The following DOCK3 variants were observed in gnomAD, a reference collection of about 807,000 sequenced individuals.
DOCK3 encodes the protein dedicator of cytokinesis 3.
A neutral mutation model predicts 265.6 loss-of-function variants in DOCK3; 60 were observed. That is an observed-to-expected ratio of 0.23 (90% CI 0.18 to 0.28). The LOEUF is 0.28. Among genes scored for constraint, DOCK3 ranks in the 10% least tolerant of loss-of-function variants. The pLI, the probability that DOCK3 is intolerant of heterozygous loss-of-function variation, is 1.00. For missense variants in DOCK3, 1,981 were observed against 2,594.3 expected, an observed-to-expected ratio of 0.76 and a Z score of 5.14; for synonymous variants, 881 against 938.0, an observed-to-expected ratio of 0.94 and a Z score of 1.11.
chr3:51,250,328 A>G (rs986565114), intron 22 of DOCK3, among the ~76,000 whole-genome samples: 5 of 152,010 alleles, frequency 3.3e-5, no homozygotes, highest in South Asian at 2.1e-4. Context: ...ACAAAACAAA[A>G]CAAAACTTGG....
intron 5 of DOCK3, among the ~76,000 whole-genome samples, chr3:51,044,147 A>G (rs1238899175): frequency 1.3e-5 from 2 of 152,196 alleles, no homozygotes; most frequent in African/African-American, 2.4e-5. Flanking sequence ...TTGTAGCACT[A>G]TTCACAATAG....
At chr3:51,145,514 C>T (rs2107271651) in intron 9 of DOCK3, among the ~76,000 whole-genome samples, 1 of 152,312 alleles carries the variant, frequency 6.6e-6, no homozygotes. Context: ...CTGTGGTCCA[C>T]AGGCTGCATG....
intron 7 of DOCK3, among the ~76,000 whole-genome samples, chr3:51,077,159 T>G (rs1002896405): frequency 6.6e-6 from 1 of 152,078 alleles, no homozygotes; most frequent in Non-Finnish European, 1.5e-5. Context: ...AATAAGAATG[T>G]AGATGTTTGG....
At chr3:50,908,703 G>A (rs1043546493) in intron 4 of DOCK3, among the ~76,000 whole-genome samples, 1 of 152,140 alleles carries the variant, frequency 6.6e-6, no homozygotes, top group African/African-American at 2.4e-5. Flanking sequence ...GTTGGTATTG[G>A]TTGGAGAGTT....
intron 4 of DOCK3, among the ~76,000 whole-genome samples, chr3:50,896,649 G>A (rs1478831054): frequency 6.6e-6 from 1 of 152,004 alleles, no homozygotes; most frequent in African/African-American, 2.4e-5. Flanking sequence ...AATCCATCTT[G>A]AGTTAATATT....
At chr3:50,750,149 T>G (rs899166152) in intron 1 of DOCK3, among the ~76,000 whole-genome samples, 1 of 151,982 alleles carries the variant, frequency 6.6e-6, no homozygotes, top group African/African-American at 2.4e-5. Flanking sequence ...GGTTGCATGC[T>G]CCTTATGAGA....
chr3:51,028,100 G>A (rs1342944731), intron 5 of DOCK3, among the ~76,000 whole-genome samples: 3 of 151,970 alleles, frequency 2.0e-5, no homozygotes, highest in Admixed American at 6.6e-5. Context: ...TAGAGCTCTC[G>A]AGCATTTCTT....
At chr3:51,155,034 T>C (rs994268986) in intron 10 of DOCK3, among the ~76,000 whole-genome samples, 4 of 152,206 alleles carry the variant, frequency 2.6e-5, no homozygotes, top group Non-Finnish European at 5.9e-5. Flanking sequence ...TTCAGTGCAG[T>C]GGCCTGATCA....
At chr3:50,757,733 A>G (rs965035653) in intron 1 of DOCK3, among the ~76,000 whole-genome samples, 1 of 152,092 alleles carries the variant, frequency 6.6e-6, no homozygotes, top group African/African-American at 2.4e-5. Context: ...AGAATTCTGT[A>G]GTTTAGCTCT....
chr3:50,868,914 T>G (rs1177647248), intron 3 of DOCK3, among the ~76,000 whole-genome samples: 4 of 148,278 alleles, frequency 2.7e-5, no homozygotes, highest in Admixed American at 6.7e-5. Flanking sequence ...TTTTTTTTTT[T>G]TTTTTTTTTT....
At chr3:50,945,957 T>G (rs765769590) in intron 5 of DOCK3, among the ~76,000 whole-genome samples, 3 of 152,050 alleles carry the variant, frequency 2.0e-5, no homozygotes, top group Non-Finnish European at 4.4e-5. Flanking sequence ...GCCAGTGTAG[T>G]GGCTCATTTC....
intron 49 of DOCK3, among the ~76,000 whole-genome samples, chr3:51,368,365 G>A (rs946064056): frequency 3.9e-5 from 6 of 152,194 alleles, no homozygotes; most frequent in East Asian, 1.9e-4. Flanking sequence ...CTAATACTGC[G>A]CTTTTCCAGT....
chr3:51,164,353 T>C (rs532339098), intron 12 of DOCK3, among the ~76,000 whole-genome samples: 1 of 152,260 alleles, frequency 6.6e-6, no homozygotes, highest in South Asian at 2.1e-4. Flanking sequence ...CCGGGCGCGG[T>C]GGCTCACGCC....
intron 3 of DOCK3, among the ~76,000 whole-genome samples, chr3:50,861,690 C>CT (rs1035004292): frequency 6.8e-4 from 101 of 149,452 alleles, no homozygotes; most frequent in Non-Finnish European, 1.2e-4. Flanking sequence ...CCTTCTTTGT[C>CT]TTTTTTTTCC....
At chr3:51,167,103 A>G (rs1217745112) in intron 12 of DOCK3, among the ~76,000 whole-genome samples, 1 of 152,132 alleles carries the variant, frequency 6.6e-6, no homozygotes, top group Admixed American at 6.5e-5. Context: ...CTTATATTTA[A>G]GCATTTAATC....
intron 35 of DOCK3, 35 bp downstream of exon 35, chr3:51,333,288 G>A (rs2084649648): frequency 6.3e-7 from 1 of 1,595,152 alleles, no homozygotes; most frequent in African/African-American, 1.3e-5. Flanking sequence ...CTCTTCCCTT[G>A]TCAGGATACT....
At chr3:50,680,215 C>CTT (rs771036444) in intron 1 of DOCK3, among the ~76,000 whole-genome samples, 12,871 of 136,106 alleles carry the variant, frequency 0.095, 724 homozygotes, top group Non-Finnish European at 0.13. Context: ...CTTTTTCTTT[C>CTT]TTTTTTTTTT....
intron 27 of DOCK3, among the ~76,000 whole-genome samples, chr3:51,296,859 CT>C (rs1472219822): frequency 6.6e-6 from 1 of 152,000 alleles, no homozygotes; most frequent in Non-Finnish European, 1.5e-5. Context: ...GGCTCAACAC[CT>C]GTAATCCCAG....
chr3:51,297,101 G>A (rs1362988544), intron 27 of DOCK3, among the ~76,000 whole-genome samples: 1 of 124,818 alleles, frequency 8.0e-6, no homozygotes, highest in Non-Finnish European at 1.6e-5. Flanking sequence ...CTGGGGGATA[G>A]AGTGAGACTC....
Sources: allele counts gnomAD v4.1 joint callset (sites outside exome capture counted in the v4.1 genomes callset), GRCh38; gene constraint gnomAD v4.1.1; transcripts MANE v1.5; gene names NCBI Gene and HGNC (gene_info 2026-07-23, HGNC 2026-07-21).